Variants in SHOX observed in about 807,000 individuals in gnomAD.
SHOX encodes the protein short stature homeobox protein.
A neutral mutation model predicts 29.6 loss-of-function variants in SHOX; 12 were observed. That is an observed-to-expected ratio of 0.41 (90% CI 0.26 to 0.66). The LOEUF (loss-of-function observed/expected upper bound fraction) is 0.66, where lower values mean the gene tolerates loss of function less well. Ranked by LOEUF, SHOX falls within the 30% of genes least tolerant of loss-of-function variation. The pLI, the probability that SHOX is intolerant of heterozygous loss-of-function variation, is 0.35. For missense variants in SHOX, 499 were observed against 437.7 expected, an observed-to-expected ratio of 1.14 and a Z score of -1.25; for synonymous variants, 214 against 200.6, an observed-to-expected ratio of 1.07 and a Z score of -0.57.
downstream of SHOX, among the ~76,000 whole-genome samples, chrX:656,213 G>C (rs779593193): frequency 6.6e-6 from 1 of 151,752 alleles, no homozygotes; most frequent in African/African-American, 2.4e-5. Flanking sequence ...GGGAGGCTGG[G>C]GCAGAATGGC....
chrX:626,459 A>C (rs1188044306), upstream of SHOX, among the ~76,000 whole-genome samples: 26 of 73,650 alleles, frequency 3.5e-4, no homozygotes, highest in South Asian at 8.0e-4. Context: ...CTTTCTCTGT[A>C]TCTCTGTCTA....
In SHOX at chrX:644,552, C is replaced by T; in HGVS notation, c.795C>T (p.Ala265=). The T allele has an allele frequency of 7.2e-6, 11 of 1,518,120 alleles. No homozygotes were observed. Among genetic ancestry groups the T allele is most frequent in the Non-Finnish European group, 9.7e-6 (11 of 1,139,662 alleles). 94.0% of individuals were successfully genotyped at this position (1,518,120 alleles called of 1,614,324 possible). A position where few individuals can be genotyped will look rare whatever the true frequency, so the allele number is the denominator to read the frequency against. ...ESASAAAVVA[A]AAKSNSKNSS... ...CCTCGGCCGCCGCCGTGGTCGCCGC[C>T]GCCGCCAAAAGCAACAGCAAGAATT... The change falls in exon 5 of 5, where the codon GCC becomes GCT. Residue 265 remains alanine, a synonymous_variant. Transcript: ENST00000686671.
chrX:624,862 TTTTC>T (rs928739665), intron 1 of SHOX, among the ~76,000 whole-genome samples: 1,611 of 76,790 alleles, frequency 0.021, 17 homozygotes, highest in South Asian at 0.046. Context: ...TCTTTCTTTC[TTTTC>T]TTTCTTTCTT....
chrX:636,370 AT>A (rs1389847881), intron 2 of SHOX, among the ~76,000 whole-genome samples: 3 of 143,426 alleles, frequency 2.1e-5, no homozygotes, highest in Admixed American at 7.1e-5. Flanking sequence ...ATATAAATAT[AT>A]ACAAACATAT....
At chrX:640,761 C>T (rs2052839256) in intron 2 of SHOX, 60 bp from the exon 3 acceptor site, 27 of 1,591,858 alleles carry the variant, frequency 1.7e-5, no homozygotes, top group Non-Finnish European at 2.2e-5. Flanking sequence ...AAGGATGCTC[C>T]CTGGGGAGGC....
chrX:629,100 T>C (rs1445369604), upstream of SHOX, among the ~76,000 whole-genome samples: 2 of 143,882 alleles, frequency 1.4e-5, no homozygotes, highest in Non-Finnish European at 1.5e-5. Context: ...TCTCTCTCTG[T>C]CTCTCCCTGT....
chrX:644,099 G>A (rs1422714761), intron 4 of SHOX, among the ~76,000 whole-genome samples: 1 of 152,106 alleles, frequency 6.6e-6, no homozygotes, highest in Non-Finnish European at 1.5e-5. Context: ...CGAAGAGAGC[G>A]CATCGGGAGC....
downstream of SHOX, among the ~76,000 whole-genome samples, chrX:652,109 G>C (rs1055188644): frequency 8.6e-5 from 13 of 151,910 alleles, no homozygotes; most frequent in African/African-American, 2.9e-4. Context: ...ATTTTTAGTA[G>C]CAATGGGGTT....
chrX:631,969 G>A (rs944763126), intron 1 of SHOX: 1 of 455,992 alleles, frequency 2.2e-6, no homozygotes, highest in African/African-American at 2.0e-5. Flanking sequence ...GAGATCACGG[G>A]AAGACTCGAG....
chrX:635,529 G>C (rs1455894370), intron 2 of SHOX, among the ~76,000 whole-genome samples: 1 of 152,124 alleles, frequency 6.6e-6, no homozygotes, highest in Admixed American at 6.5e-5. Flanking sequence ...TCCGGCTGTG[G>C]GGAGCGCAGG....
At chrX:636,930 G>A (rs28367488) in intron 2 of SHOX, among the ~76,000 whole-genome samples, 131,122 of 143,048 alleles carry the variant, frequency 0.92, 60,246 homozygotes, top group African/African-American at 0.98. Context: ...AGGGTTTTAC[G>A]AGCTCTTTCA....
upstream of SHOX, among the ~76,000 whole-genome samples, chrX:626,471 CTCTG>C (rs1238861873): frequency 2.2e-5 from 3 of 137,050 alleles, no homozygotes; most frequent in Non-Finnish European, 4.8e-5. Context: ...CTCTGTCTAT[CTCTG>C]TCTCTCTTTC....
chrX:652,752 G>T (rs1023917499), downstream of SHOX, among the ~76,000 whole-genome samples: 17 of 152,286 alleles, frequency 1.1e-4, no homozygotes, highest in African/African-American at 4.1e-4. Flanking sequence ...TTTCTGGCCT[G>T]CGTGGTCTGA....
At chrX:657,126 C>T (rs1243689451) in intron 5 of SHOX, among the ~76,000 whole-genome samples, 2 of 151,460 alleles carry the variant, frequency 1.3e-5, no homozygotes, top group African/African-American at 4.9e-5. Flanking sequence ...TGCACCACTG[C>T]CCTCCAGCCT....
Position 650,334 on chromosome X carries a change from C to G in SHOX, c.*5698C>G, listed in dbSNP as rs748720903. 0.28 allele frequency among the ~76,000 whole-genome samples: 41,791 copies of G among 151,850 alleles called. 5,896 individuals are homozygous for G. The highest frequency in any genetic ancestry group is 0.36 in the Admixed American group (5,481 of 15,254). On this transcript the variant is annotated 3_prime_UTR_variant, in exon 5 of 5. Coordinates refer to ENST00000686671, the MANE Select transcript of SHOX (RefSeq NM_000451.4). Reference sequence around the variant, plus strand: ...CTGTCGTAGGAATGGCCTCTCCATCCCGCCAAAGTCCAGCCAGGCCCCCGA... The same window carrying G: ...CTGTCGTAGGAATGGCCTCTCCATCGCGCCAAAGTCCAGCCAGGCCCCCGA...
At chrX:640,219 C>T (rs1043144522) in intron 2 of SHOX, among the ~76,000 whole-genome samples, 14 of 151,562 alleles carry the variant, frequency 9.2e-5, no homozygotes, top group African/African-American at 3.2e-4. Context: ...GTGGTGTGCG[C>T]CTGTAATCCC....
intron 1 of SHOX, among the ~76,000 whole-genome samples, chrX:634,152 C>G (rs747933721): frequency 1.3e-5 from 2 of 152,194 alleles, no homozygotes; most frequent in East Asian, 1.9e-4. Flanking sequence ...GGAGGGACCC[C>G]CAGCCCTCCT....
At chrX:632,085 T>C (rs1425742127) in intron 1 of SHOX, 4 of 442,358 alleles carry the variant, frequency 9.0e-6, no homozygotes, top group South Asian at 6.3e-5. Context: ...CGAGGCTTGA[T>C]CTTGGCGAAA....
rs775822599 is a variant in SHOX at position 630,966 on chromosome X, C to A, written c.69C>A (p.Gly23=). ...AAAGCAAGGACGGTAACGGCGGAGG[C>A]GGAGGCGGCGGAGGTAAGAAGGATT... The part of the protein sequence containing the change: ...DQKSKDGNGG[G]GGGGGKKDSI... The change falls in exon 1 of 5, where the codon GGC becomes GGA. Residue 23 remains glycine, a synonymous_variant. Coordinates refer to ENST00000686671, the MANE Select transcript of SHOX (RefSeq NM_000451.4). The A allele has an allele frequency of 4.3e-6, 7 of 1,613,798 alleles. No individual in the cohort carries two copies. The South Asian group carries it at 6.6e-5, about 15-fold the overall frequency.
Sources: gnomAD v4.1 joint callset for allele counts (sites outside exome capture counted in the v4.1 genomes callset) on GRCh38, gnomAD v4.1.1 for gene constraint, MANE v1.5 for transcripts, NCBI Gene and HGNC (gene_info 2026-07-23, HGNC 2026-07-21) for gene names.